Variants in FSIP1 observed in about 807,000 individuals in gnomAD.
FSIP1 encodes the protein fibrous sheath interacting protein 1.
FSIP1 carries 65 observed loss-of-function variants against 60.9 expected under a neutral mutation model. That is an observed-to-expected ratio of 1.07 (90% CI 0.87 to 1.31). The LOEUF is 1.31. Ranked by LOEUF, FSIP1 falls within the 40% of genes most tolerant of loss-of-function variation. The pLI is 0.00. For missense variants in FSIP1, 675 were observed against 665.5 expected, an observed-to-expected ratio of 1.01 and a Z score of -0.16; for synonymous variants, 209 against 221.2, an observed-to-expected ratio of 0.94 and a Z score of 0.49.
intron 10 of FSIP1, among the ~76,000 whole-genome samples, chr15:39,677,737 C>A (rs563911771): frequency 3.3e-5 from 5 of 152,110 alleles, no homozygotes; most frequent in Non-Finnish European, 7.3e-5. Context: ...TACGACCGGG[C>A]GTGGTGGCCC....
At chr15:39,728,685 T>C (rs1896291751) in intron 8 of FSIP1, among the ~76,000 whole-genome samples, 1 of 152,184 alleles carries the variant, frequency 6.6e-6, no homozygotes, top group African/African-American at 2.4e-5. Flanking sequence ...GGAAATACCA[T>C]TGTGGACATA....
At chr15:39,632,894 G>A (rs1891960588) in intron 10 of FSIP1, among the ~76,000 whole-genome samples, 1 of 152,044 alleles carries the variant, frequency 6.6e-6, no homozygotes, top group South Asian at 2.1e-4. Flanking sequence ...ACTTCAAGTA[G>A]GCAGGGCAAA....
At chr15:39,704,459 T>C (rs1895185415) in intron 10 of FSIP1, among the ~76,000 whole-genome samples, 1 of 152,216 alleles carries the variant, frequency 6.6e-6, no homozygotes, top group African/African-American at 2.4e-5. Context: ...GGTTTTAGAA[T>C]AAAGCCTACA....
At chr15:39,658,940 T>A (rs1181284397) in intron 10 of FSIP1, among the ~76,000 whole-genome samples, 1 of 152,146 alleles carries the variant, frequency 6.6e-6, no homozygotes, top group Admixed American at 6.5e-5. Context: ...GTAAACAAAA[T>A]GTGGTATATC....
chr15:39,691,347 GC>G (rs1177337163), intron 10 of FSIP1, among the ~76,000 whole-genome samples: 1 of 152,318 alleles, frequency 6.6e-6, no homozygotes, highest in East Asian at 1.9e-4. Context: ...CAGGGCAGTG[GC>G]CCCAGATGAA....
chr15:39,721,976 C>A (rs1489008589), intron 9 of FSIP1, among the ~76,000 whole-genome samples: 1 of 152,170 alleles, frequency 6.6e-6, no homozygotes, highest in African/African-American at 2.4e-5. Flanking sequence ...GCTCCTGACC[C>A]CCCAGGCCAT....
At chr15:39,673,535 C>G (rs774085380) in intron 10 of FSIP1, among the ~76,000 whole-genome samples, 89 of 152,276 alleles carry the variant, frequency 5.8e-4, no homozygotes, top group Middle Eastern at 3.4e-3. Context: ...AGCCTTGTCT[C>G]AGACTCCCGT....
chr15:39,679,935 T>C (rs1203295088), intron 10 of FSIP1, among the ~76,000 whole-genome samples: 1 of 152,192 alleles, frequency 6.6e-6, no homozygotes, highest in Non-Finnish European at 1.5e-5. Context: ...GCCTGAAACT[T>C]AGCATTCATT....
intron 7 of FSIP1, among the ~76,000 whole-genome samples, 173 bp downstream of exon 7, chr15:39,739,492 T>C (rs963519134): frequency 6.6e-6 from 1 of 152,224 alleles, no homozygotes; most frequent in Non-Finnish European, 1.5e-5. Context: ...GGGTTGAACA[T>C]AGAAATAATG....
At position 39,771,866 on chromosome 15, in the gene FSIP1, C is replaced by T. The variant is rs545523817; in HGVS notation, c.127-1256G>A. On this transcript the variant is annotated intron_variant, in intron 2 of 11. Transcript: ENST00000350221. ...ATATCCAGTTAATCCTTAAGGCCTTCCGTCCTGTGAAAATGCTAACATTTC... is the reference window on the plus strand; with the variant it reads ...ATATCCAGTTAATCCTTAAGGCCTTTCGTCCTGTGAAAATGCTAACATTTC... 6.6e-5 allele frequency among the ~76,000 whole-genome samples: 10 copies of T among 152,290 alleles called. No homozygotes were observed. In the South Asian group the frequency reaches 1.4e-3, roughly 22 times the overall value.
intron 10 of FSIP1, among the ~76,000 whole-genome samples, chr15:39,641,411 G>A (rs1052392380): frequency 6.6e-6 from 1 of 152,056 alleles, no homozygotes; most frequent in African/African-American, 2.4e-5. Context: ...AAAAACACAC[G>A]ACTTCCCTGG....
chr15:39,625,459 C>T (rs78861189), intron 10 of FSIP1, among the ~76,000 whole-genome samples: 4 of 152,140 alleles, frequency 2.6e-5, no homozygotes, highest in African/African-American at 9.7e-5. Context: ...CCAGACTGTG[C>T]TTTCTAACAG....
intron 9 of FSIP1, 22 bp from the exon 10 acceptor site, chr15:39,713,603 A>AC: frequency 1.9e-6 from 3 of 1,578,530 alleles, no homozygotes; most frequent in African/African-American, 2.8e-5. Flanking sequence ...AAAAAAAAAA[A>AC]ACATCATTCA....
chr15:39,739,850 C>A (rs1156537135), intron 6 of FSIP1, 61 bp from the exon 7 acceptor site: 12 of 1,015,534 alleles, frequency 1.2e-5, no homozygotes, highest in African/African-American at 5.0e-5. Flanking sequence ...GCTAAAAGTT[C>A]ACTTTAAGCA....
intron 8 of FSIP1, among the ~76,000 whole-genome samples, chr15:39,736,414 G>A (rs1049212261): frequency 1.3e-5 from 2 of 152,166 alleles, no homozygotes; most frequent in African/African-American, 4.8e-5. Context: ...TTGGTGGAAG[G>A]GAGGGATATT....
At chr15:39,597,995 T>C (rs1247801544), downstream of FSIP1, 1 of 152,138 alleles carries the variant, frequency 6.6e-6, no homozygotes, top group Admixed American at 6.5e-5. Flanking sequence ...GAAGGAATAA[T>C]AAGTTTAATC....
At chr15:39,680,776 T>C (rs940513388) in intron 10 of FSIP1, among the ~76,000 whole-genome samples, 3 of 152,188 alleles carry the variant, frequency 2.0e-5, no homozygotes, top group Admixed American at 2.0e-4. Flanking sequence ...AATAATACAA[T>C]AGCTAACATT....
At chr15:39,626,587 TG>T (rs1490586837) in intron 10 of FSIP1, among the ~76,000 whole-genome samples, 1 of 152,016 alleles carries the variant, frequency 6.6e-6, no homozygotes, top group Non-Finnish European at 1.5e-5. Context: ...AACACAGGGG[TG>T]GTTTCCCCCA....
intron 1 of FSIP1, among the ~76,000 whole-genome samples, chr15:39,777,185 C>T (rs1465604985): frequency 6.6e-6 from 1 of 152,012 alleles, no homozygotes; most frequent in African/African-American, 2.4e-5. Flanking sequence ...CCGCCCACCT[C>T]GGTCTCCCAA....
Sources: allele counts gnomAD v4.1 joint callset (sites outside exome capture counted in the v4.1 genomes callset), GRCh38; gene constraint gnomAD v4.1.1; transcripts MANE v1.5; gene names NCBI Gene and HGNC (gene_info 2026-07-23, HGNC 2026-07-21).